IGSF11: variants seen among roughly 807,000 people sequenced by gnomAD.
IGSF11 encodes immunoglobulin superfamily member 11.
A neutral mutation model predicts 41.0 loss-of-function variants in IGSF11; 22 were observed. That is an observed-to-expected ratio of 0.54 (90% CI 0.38 to 0.77). The LOEUF (loss-of-function observed/expected upper bound fraction) is 0.77, where lower values mean the gene tolerates loss of function less well. IGSF11 is among the 30% of genes least tolerant of loss of function. The probability of loss-of-function intolerance (pLI) is 0.00; values close to 1 mark genes in which losing one functional copy is unlikely to be tolerated. For synonymous variants in IGSF11, 219 were observed against 201.3 expected (o/e 1.09, Z -0.74); for missense variants, 444 against 530.8 (o/e 0.84, Z 1.61).
At chr3:119,067,026 A>G (rs7609795) in intron 1 of IGSF11, among the ~76,000 whole-genome samples, 32,027 of 152,046 alleles carry the variant, frequency 0.21, 4,558 homozygotes, top group African/African-American at 0.39. Context: ...TCTGGACCAC[A>G]TGTGGCCCGA....
At chr3:118,934,294 T>C (rs1943081305) in intron 1 of IGSF11, among the ~76,000 whole-genome samples, 1 of 152,186 alleles carries the variant, frequency 6.6e-6, no homozygotes, top group Non-Finnish European at 1.5e-5. Context: ...CTGGTAAACA[T>C]CTGACAGAGA....
chr3:118,936,924 A>G (rs1943326533), intron 1 of IGSF11, among the ~76,000 whole-genome samples: 3 of 152,202 alleles, frequency 2.0e-5, no homozygotes. Context: ...TCTGCCTACT[A>G]CTAGAGTCAA....
intron 1 of IGSF11, among the ~76,000 whole-genome samples, chr3:118,942,534 C>A (rs1343630102): frequency 6.6e-6 from 1 of 152,174 alleles, no homozygotes; most frequent in Non-Finnish European, 1.5e-5. Flanking sequence ...GAAGTCCAAG[C>A]TACACAAGAG....
chr3:119,072,969 C>A (rs1432845727), intron 1 of IGSF11, among the ~76,000 whole-genome samples: 2 of 152,136 alleles, frequency 1.3e-5, no homozygotes, highest in Admixed American at 6.5e-5. Context: ...CTGAGCTAGA[C>A]ACAAAAGTTC....
chr3:119,046,682 C>T (rs1446934956), intron 1 of IGSF11, among the ~76,000 whole-genome samples: 2 of 151,916 alleles, frequency 1.3e-5, no homozygotes, highest in South Asian at 2.1e-4. Flanking sequence ...AACTCCAAGA[C>T]ACATAATTGT....
intron 1 of IGSF11, among the ~76,000 whole-genome samples, chr3:119,041,033 T>C (rs949674976): frequency 6.6e-5 from 10 of 152,094 alleles, no homozygotes; most frequent in Non-Finnish European, 8.8e-5. Flanking sequence ...GCCTCAAATG[T>C]TTATAACAGA....
At chr3:119,092,608 G>A (rs1233696553) in intron 1 of IGSF11, among the ~76,000 whole-genome samples, 1 of 152,114 alleles carries the variant, frequency 6.6e-6, no homozygotes, top group Non-Finnish European at 1.5e-5. Context: ...GGGATTACAG[G>A]AATGAGCTAC....
chr3:119,123,919 T>C (rs2077366111), intron 1 of IGSF11, among the ~76,000 whole-genome samples: 1 of 152,188 alleles, frequency 6.6e-6, no homozygotes, highest in African/African-American at 2.4e-5. Flanking sequence ...CTGTGAAGAC[T>C]ACAATAAATA....
upstream of IGSF11, among the ~76,000 whole-genome samples, chr3:119,109,303 CT>C (rs1401817008): frequency 2.0e-5 from 3 of 151,346 alleles, no homozygotes; most frequent in Admixed American, 6.6e-5. Flanking sequence ...CAACTTCTTC[CT>C]GGTTTAGTCT....
At chr3:118,933,580 CAG>C (rs1476532491) in intron 1 of IGSF11, among the ~76,000 whole-genome samples, 3 of 151,222 alleles carry the variant, frequency 2.0e-5, no homozygotes, top group Non-Finnish European at 4.4e-5. Flanking sequence ...AATAGAAAAA[CAG>C]AGAATTAAAA....
chr3:119,018,925 A>G lies in IGSF11; in HGVS notation c.52+15606T>C, dbSNP rs557068974. Among the ~76,000 whole-genome samples the G allele has an allele frequency of 3.3e-5, 5 of 152,322 alleles. No individual in the cohort carries two copies. In the East Asian group the frequency reaches 9.7e-4, roughly 29 times the overall value. ...CATCCTTTGGCACATGTGCCCAGAAACTATTCAACTCCAGTGTTCCAAGCT... is the reference window on the plus strand; with the variant it reads ...CATCCTTTGGCACATGTGCCCAGAAGCTATTCAACTCCAGTGTTCCAAGCT... On this transcript the variant is annotated intron_variant, in intron 1 of 6. Coordinates refer to ENST00000393775, the MANE Select transcript of IGSF11 (RefSeq NM_001015887.3).
intron 1 of IGSF11, among the ~76,000 whole-genome samples, chr3:119,100,507 T>G (rs1282415018): frequency 1.3e-5 from 2 of 152,232 alleles, no homozygotes; most frequent in Non-Finnish European, 2.9e-5. Flanking sequence ...ATACGTTGCC[T>G]ACTTGCCACA....
Position 119,003,393 on chromosome 3 carries a change from C to T in IGSF11, c.52+31138G>A, listed in dbSNP as rs9756988. Among the ~76,000 whole-genome samples the T allele has an allele frequency of 8.3e-3, 1,223 of 147,090 alleles. 14 individuals are homozygous for T. Among genetic ancestry groups the T allele is most frequent in the East Asian group, 0.045 (225 of 4,968 alleles). The stretch of plus-strand genomic sequence containing the variant: ...TTTGGGCTGAGACGATGGGGTTTTC[C>T]AGATAAACAATCATGTCGTCTGCAA... On this transcript the variant is annotated intron_variant, in intron 1 of 6. Coordinates refer to ENST00000393775, the MANE Select transcript of IGSF11 (RefSeq NM_001015887.3).
intron 1 of IGSF11, among the ~76,000 whole-genome samples, chr3:118,938,041 A>ATGTGTG (rs142768013): frequency 6.7e-6 from 1 of 149,094 alleles, no homozygotes; most frequent in South Asian, 2.1e-4. Flanking sequence ...TATATATAAA[A>ATGTGTG]TGTGTGTGTG....
intron 1 of IGSF11, among the ~76,000 whole-genome samples, chr3:118,999,989 G>C (rs1390254254): frequency 1.3e-5 from 2 of 149,848 alleles, no homozygotes; most frequent in African/African-American, 2.5e-5. Context: ...AATTCAAATA[G>C]ATACTCCCAC....
intron 1 of IGSF11, among the ~76,000 whole-genome samples, chr3:119,140,556 A>G (rs77972056): frequency 0.065 from 9,831 of 152,254 alleles, 478 homozygotes; most frequent in African/African-American, 0.13. Flanking sequence ...CAATAATAGA[A>G]TCAACTAAGC....
At chr3:119,093,405 GT>G (rs11352194) in intron 1 of IGSF11, among the ~76,000 whole-genome samples, 51,245 of 147,074 alleles carry the variant, frequency 0.35, 9,000 homozygotes, top group African/African-American at 0.46. Flanking sequence ...TCTGAGACCC[GT>G]TTTTTTTTTT....
At chr3:119,087,805 A>G (rs1188728496) in intron 1 of IGSF11, among the ~76,000 whole-genome samples, 1 of 152,112 alleles carries the variant, frequency 6.6e-6, no homozygotes, top group Non-Finnish European at 1.5e-5. Context: ...ATAATAAATA[A>G]GGAAAAAAAT....
At chr3:118,955,239 CACACACACACACACAT>C (rs1944873373) in intron 1 of IGSF11, among the ~76,000 whole-genome samples, 2 of 151,328 alleles carry the variant, frequency 1.3e-5, no homozygotes, top group East Asian at 3.9e-4. Context: ...CACACACACA[CACACACACACACACAT>C]ACACACACAC....
Sources: allele counts gnomAD v4.1 joint callset (sites outside exome capture counted in the v4.1 genomes callset), GRCh38; gene constraint gnomAD v4.1.1; transcripts MANE v1.5; gene names NCBI Gene and HGNC (gene_info 2026-07-23, HGNC 2026-07-21).